Variants in LNX1 observed in about 807,000 individuals in gnomAD.
LNX1 encodes the protein ligand of numb-protein X 1.
Under a neutral mutation model 68.4 loss-of-function variants are expected in LNX1, and 54 were observed. That is an observed-to-expected ratio of 0.79 (90% CI 0.63 to 0.99). The LOEUF is 0.99. LNX1 is among the 50% of genes least tolerant of loss of function. The pLI is 0.00. For synonymous variants in LNX1, 336 were observed against 350.0 expected, an observed-to-expected ratio of 0.96 and a Z score of 0.45; for missense variants, 906 against 926.4, an observed-to-expected ratio of 0.98 and a Z score of 0.29.
At chr4:53,599,673 A>T (rs1474422313) in intron 2 of LNX1, among the ~76,000 whole-genome samples, 1 of 152,180 alleles carries the variant, frequency 6.6e-6, no homozygotes, top group East Asian at 1.9e-4. Context: ...TATAGAGCCC[A>T]TGATTTTCCC....
Position 53,591,462 on chromosome 4 carries a change from C to A in LNX1, c.-161G>T, listed in dbSNP as rs778994289. ...TCTCATTCCTTGTGGGTGAACCGAG[C>A]AGCTCCTTGGGCCGCCGGAGTTGTG... On this transcript the variant is annotated 5_prime_UTR_variant, in exon 1 of 11. Transcript: ENST00000263925. The A allele has an allele frequency of 1.0e-6, 1 of 985,796 alleles. No individual in the cohort carries two copies. The highest frequency in any genetic ancestry group is 1.2e-6 in the Non-Finnish European group (1 of 830,268). The allele number at this position is 985,796 out of a possible 1,614,324, so 61.1% of individuals were successfully genotyped here. A position where few individuals can be genotyped will look rare whatever the true frequency, so the allele number is the denominator to read the frequency against.
chr4:53,626,110 T>C (rs1305410562), intron 1 of LNX1, among the ~76,000 whole-genome samples: 1 of 152,198 alleles, frequency 6.6e-6, no homozygotes, highest in Non-Finnish European at 1.5e-5. Flanking sequence ...CTGGAGACTA[T>C]TATGCTAAGT....
chr4:53,509,757 TC>T (rs1726189808), intron 2 of LNX1, among the ~76,000 whole-genome samples: 1 of 152,204 alleles, frequency 6.6e-6, no homozygotes, highest in Admixed American at 6.5e-5. Flanking sequence ...CTTTAACATG[TC>T]TAAAATCAGG....
intron 1 of LNX1, among the ~76,000 whole-genome samples, chr4:53,587,072 A>T (rs1732214441): frequency 6.6e-6 from 1 of 152,238 alleles, no homozygotes; most frequent in Admixed American, 6.5e-5. Flanking sequence ...ACCTTCAGTG[A>T]CAAGAAACTC....
At chr4:53,585,981 G>A (rs1011556261) in intron 1 of LNX1, among the ~76,000 whole-genome samples, 1 of 152,090 alleles carries the variant, frequency 6.6e-6, no homozygotes, top group Non-Finnish European at 1.5e-5. Context: ...TAGAAATAGG[G>A]AAAAATATTT....
chr4:53,498,687 A>G lies in LNX1; in HGVS notation c.932T>C (p.Val311Ala). The change falls in exon 5 of 11, where the codon GTG becomes GCG. Residue 311 changes from valine to alanine, a missense_variant. Val to Ala is a moderately conservative substitution (Grantham distance 64). Transcript: ENST00000263925. ...CAGTAGCCGGCCGTCTCTGGCGATCACCCCATCACGATAAATGTGTTGGAT... is the reference window on the plus strand; with the variant it reads ...CAGTAGCCGGCCGTCTCTGGCGATCGCCCCATCACGATAAATGTGTTGGAT... ...IIIQHIYRDG[V>A]IARDGRLLPG... is the part of the protein sequence containing the mutation. The G allele has an allele frequency of 2.5e-6, 4 of 1,613,962 alleles. No homozygotes were observed. Among genetic ancestry groups the G allele is most frequent in the Non-Finnish European group, 3.4e-6 (4 of 1,179,954 alleles).
rs1427464421 is a variant in LNX1, at chr4:53,460,901, T to C, written c.*6A>G. 2 of 1,608,066 alleles carry C rather than the reference T, an allele frequency of 1.2e-6. No homozygotes were observed. The highest frequency in any genetic ancestry group is 1.3e-5 in the African/African-American group (1 of 74,522). ...TTTTCTGTTTTCCTCTGACCCATCATTGATTCTATAAAAAAGTGCCAGGCC... is the reference window on the plus strand; with the variant it reads ...TTTTCTGTTTTCCTCTGACCCATCACTGATTCTATAAAAAAGTGCCAGGCC... On this transcript the variant is annotated 3_prime_UTR_variant, in exon 11 of 11. Transcript: ENST00000263925.
chr4:53,461,158 A>T, intron 10 of LNX1, 116 bp from the exon 11 acceptor site: 2 of 829,426 alleles, frequency 2.4e-6, no homozygotes, highest in Non-Finnish European at 1.8e-6. Flanking sequence ...AATTATGTTA[A>T]CTTCTAATTG....
chr4:53,639,882 A>C (rs1734613445), intron 1 of LNX1, among the ~76,000 whole-genome samples: 2 of 152,150 alleles, frequency 1.3e-5, no homozygotes, highest in Non-Finnish European at 2.9e-5. Context: ...AAATAAAAAA[A>C]ATTAGCCAGG....
chr4:53,634,857 A>G (rs1394873649), intron 1 of LNX1, among the ~76,000 whole-genome samples: 3 of 150,326 alleles, frequency 2.0e-5, no homozygotes, highest in African/African-American at 7.4e-5. Context: ...TTTTTAAGAG[A>G]GACAGGGTCT....
At chr4:53,632,152 T>C (rs1327596094) in intron 1 of LNX1, among the ~76,000 whole-genome samples, 1 of 152,128 alleles carries the variant, frequency 6.6e-6, no homozygotes, top group Non-Finnish European at 1.5e-5. Flanking sequence ...TCCCCCAGCA[T>C]GAGGTCCACT....
At chr4:53,548,411 A>G (rs1389168903) in intron 2 of LNX1, among the ~76,000 whole-genome samples, 2 of 152,260 alleles carry the variant, frequency 1.3e-5, no homozygotes, top group African/African-American at 4.8e-5. Flanking sequence ...ATGTAGTAGT[A>G]TATGTATATA....
intron 4 of LNX1, among the ~76,000 whole-genome samples, chr4:53,500,926 C>T (rs1258216926): frequency 6.6e-6 from 1 of 152,162 alleles, no homozygotes; most frequent in Non-Finnish European, 1.5e-5. Flanking sequence ...CATTCCCCTT[C>T]CCTTGTTACC....
In LNX1 at chr4:53,507,407, T is replaced by C; in HGVS notation, c.685A>G (p.Ser229Gly). The C allele has an allele frequency of 1.2e-6, 2 of 1,614,176 alleles. No homozygotes were observed. The highest frequency in any genetic ancestry group is 1.7e-6 in the Non-Finnish European group (2 of 1,180,002). The change falls in exon 4 of 11, where the codon AGT (serine) becomes GGT (glycine). Residue 229 changes from serine (S) to glycine (G), a missense_variant. Physicochemically the swap from Ser to Gly is moderately conservative, Grantham distance 56 (BLOSUM62 0). Coordinates refer to ENST00000263925, the MANE Select transcript of LNX1 (RefSeq NM_001126328.3). ...RSFKKINRAL[S>G]VLRRTKSGSA... The stretch of plus-strand genomic sequence containing the variant: ...CCGCTCTTTGTCCTTCGAAGAACAC[T>C]CAAAGCTCGATTTATTTTTTTAAAT...
intron 2 of LNX1, among the ~76,000 whole-genome samples, chr4:53,572,850 G>A (rs368950465): frequency 1.3e-5 from 2 of 152,272 alleles, no homozygotes; most frequent in South Asian, 4.1e-4. Context: ...AAAGTTAGCA[G>A]AACAAATTGC....
chr4:53,557,848 C>A (rs564920130), intron 2 of LNX1: 1 of 1,612,406 alleles, frequency 6.2e-7, no homozygotes, highest in South Asian at 1.1e-5. Flanking sequence ...CATAAACACA[C>A]AGGCACGGAC....
At chr4:53,567,767 A>G (rs1450116442) in intron 2 of LNX1, among the ~76,000 whole-genome samples, 1 of 152,224 alleles carries the variant, frequency 6.6e-6, no homozygotes, top group Non-Finnish European at 1.5e-5. Context: ...ATAAAGAAAA[A>G]AAGAGAGAAG....
upstream of LNX1, among the ~76,000 whole-genome samples, chr4:53,618,781 T>C (rs1733768601): frequency 6.6e-6 from 1 of 152,202 alleles, no homozygotes; most frequent in Admixed American, 6.5e-5. Flanking sequence ...GCTAACTAAA[T>C]ATATCTAAAA....
At chr4:53,507,110 T>A (rs1183198064) in intron 4 of LNX1, among the ~76,000 whole-genome samples, 1 of 152,202 alleles carries the variant, frequency 6.6e-6, no homozygotes, top group Non-Finnish European at 1.5e-5. Context: ...GTTTCAACAC[T>A]TTTTTCTTCA....
Sources: allele counts gnomAD v4.1 joint callset (sites outside exome capture counted in the v4.1 genomes callset), GRCh38; gene constraint gnomAD v4.1.1; transcripts MANE v1.5; gene names NCBI Gene and HGNC (gene_info 2026-07-23, HGNC 2026-07-21).